Variants in CDYL2 observed in about 807,000 individuals in gnomAD.
The protein encoded by CDYL2 is chromodomain Y-like protein 2.
In CDYL2, 23 loss-of-function variants were observed where a neutral mutation model predicts 49.4. The observed-to-expected ratio is 0.47, with a 90% confidence interval of 0.34 to 0.66. The LOEUF (loss-of-function observed/expected upper bound fraction) is 0.66, where lower values mean the gene tolerates loss of function less well. Among genes scored for constraint, CDYL2 ranks in the 30% least tolerant of loss-of-function variants. The probability of loss-of-function intolerance (pLI) is 0.01; values close to 1 mark genes in which losing one functional copy is unlikely to be tolerated. For synonymous variants in CDYL2, 360 were observed against 268.8 expected, an observed-to-expected ratio of 1.34 and a Z score of -3.32; for missense variants, 678 against 656.4, an observed-to-expected ratio of 1.03 and a Z score of -0.36.
In CDYL2 at chr16:80,599,199, T is replaced by G. The variant is rs1416360986; in HGVS notation, c.*5189A>C. The G allele has an allele frequency of 6.6e-6, 1 of 151,916 alleles. No individual in the cohort carries two copies. The highest frequency in any genetic ancestry group is 1.5e-5 in the Non-Finnish European group (1 of 67,954). 9.4% of individuals were successfully genotyped at this position (151,916 alleles called of 1,614,324 possible). A position where few individuals can be genotyped will look rare whatever the true frequency, so the allele number is the denominator to read the frequency against. On this transcript the variant is annotated 3_prime_UTR_variant, in exon 7 of 7. Transcript: ENST00000570137. ...GGTGAAGTTGAAAACTAGATATGGG[T>G]TTTTCTGACTGCCACACACACTGCA... is the stretch of plus-strand genomic sequence containing the variant.
At chr16:80,750,194 C>CTGCACATG (rs1461443985) in intron 1 of CDYL2, among the ~76,000 whole-genome samples, 1 of 151,684 alleles carries the variant, frequency 6.6e-6, no homozygotes, top group East Asian at 1.9e-4. Flanking sequence ...TGTAACAAAC[C>CTGCACATG]TGCACATGTA....
intron 1 of CDYL2, among the ~76,000 whole-genome samples, chr16:80,803,826 G>A (rs890408676): frequency 1.4e-4 from 20 of 145,276 alleles, no homozygotes; most frequent in Admixed American, 6.1e-4. Context: ...ACACCTCCCC[G>A]GGACCGCTAC....
At chr16:80,752,311 C>G (rs752001849) in intron 1 of CDYL2, among the ~76,000 whole-genome samples, 5 of 152,052 alleles carry the variant, frequency 3.3e-5, no homozygotes, top group Non-Finnish European at 5.9e-5. Context: ...AAGTCTGTGT[C>G]TGTCTGACTG....
intron 6 of CDYL2, among the ~76,000 whole-genome samples, chr16:80,607,585 C>G (rs1361135923): frequency 6.6e-6 from 1 of 152,244 alleles, no homozygotes; most frequent in Non-Finnish European, 1.5e-5. Context: ...TAATTAAAAA[C>G]CACTGCCTCT....
chr16:80,608,113 C>T lies in CDYL2; in HGVS notation c.1341G>A (p.Glu447=), dbSNP rs756240211. The T allele has an allele frequency of 1.7e-4, 265 of 1,597,624 alleles. 1 individual carries two copies. The highest frequency in any genetic ancestry group is 2.0e-4 in the Non-Finnish European group (234 of 1,171,978). Reference sequence around the variant, plus strand: ...TCACCACGGCACTGCAGGATGCCATCTCCTTGACCCGCAGCATGACCTCCT... The same window carrying T: ...TCACCACGGCACTGCAGGATGCCATTTCCTTGACCCGCAGCATGACCTCCT... ...FSQEVMLRVK[E]MASCSAVVLE... Residue 447 remains glutamate, a synonymous_variant, in exon 6 of 7, where the codon GAG becomes GAA. Coordinates refer to ENST00000570137, the MANE Select transcript of CDYL2 (RefSeq NM_152342.4).
chr16:80,618,352 T>A (rs1906924126), intron 4 of CDYL2, among the ~76,000 whole-genome samples: 2 of 152,164 alleles, frequency 1.3e-5, no homozygotes, highest in Admixed American at 1.3e-4. Context: ...TGAATTTGGT[T>A]CTCAAGAGTC....
chr16:80,752,026 G>C (rs1174689400), intron 1 of CDYL2, among the ~76,000 whole-genome samples: 1 of 151,940 alleles, frequency 6.6e-6, no homozygotes, highest in African/African-American at 2.4e-5. Context: ...TAAATCCACA[G>C]AAGATATAAA....
chr16:80,695,377 TGACA>T (rs1910578655), intron 1 of CDYL2, among the ~76,000 whole-genome samples: 1 of 152,066 alleles, frequency 6.6e-6, no homozygotes, highest in South Asian at 2.1e-4. Context: ...ACAAAGCAAA[TGACA>T]AGAGTAAGTC....
intron 2 of CDYL2, among the ~76,000 whole-genome samples, chr16:80,641,377 T>C (rs1908078245): frequency 6.6e-6 from 1 of 152,154 alleles, no homozygotes; most frequent in Non-Finnish European, 1.5e-5. Context: ...TACCCTAGTA[T>C]AGTATATCTG....
intron 1 of CDYL2, among the ~76,000 whole-genome samples, chr16:80,704,259 GCA>G (rs1904330629): frequency 6.6e-6 from 1 of 152,166 alleles, no homozygotes; most frequent in South Asian, 2.1e-4. Context: ...TTACACAGAA[GCA>G]CTTGGCAAAT....
rs1205704715 is a variant in CDYL2, at chr16:80,602,056, T to C, written c.*2332A>G. On this transcript the variant is annotated 3_prime_UTR_variant, in exon 7 of 7. Coordinates refer to ENST00000570137, the MANE Select transcript of CDYL2 (RefSeq NM_152342.4). The stretch of plus-strand genomic sequence containing the variant: ...CGATGCTGAATATAACTGCGCCCAA[T>C]CAGAAGTTCAACAGAAAAGAGGGGG... 2.0e-5 allele frequency: 3 copies of C among 152,048 alleles called. No homozygotes were observed. Among genetic ancestry groups the C allele is most frequent in the African/African-American group, 4.8e-5 (2 of 41,386 alleles). The allele number at this position is 152,048 out of a possible 1,614,324, so 9.4% of individuals were successfully genotyped here. A position where few individuals can be genotyped will look rare whatever the true frequency, so the allele number is the denominator to read the frequency against.
intron 1 of CDYL2, among the ~76,000 whole-genome samples, chr16:80,722,113 G>A (rs1325280807): frequency 6.6e-6 from 1 of 152,132 alleles, no homozygotes; most frequent in Admixed American, 6.5e-5. Context: ...TCATATAATA[G>A]AGGTGTTTCT....
chr16:80,748,465 C>T (rs577074503), intron 1 of CDYL2, among the ~76,000 whole-genome samples: 1 of 129,322 alleles, frequency 7.7e-6, no homozygotes, highest in South Asian at 2.6e-4. Context: ...AGGCGGATCG[C>T]GCCACTGCCC....
chr16:80,669,779 G>A (rs1392378438), intron 2 of CDYL2, among the ~76,000 whole-genome samples: 1 of 152,194 alleles, frequency 6.6e-6, no homozygotes, highest in Non-Finnish European at 1.5e-5. Context: ...GTCGGAACTT[G>A]GACAAGGAGC....
intron 1 of CDYL2, among the ~76,000 whole-genome samples, chr16:80,688,737 G>A (rs1910298336): frequency 6.6e-6 from 1 of 152,006 alleles, no homozygotes; most frequent in Non-Finnish European, 1.5e-5. Context: ...CTCTTCTCAG[G>A]AGCACCTCAA....
intron 2 of CDYL2, among the ~76,000 whole-genome samples, chr16:80,675,434 G>C (rs572781512): frequency 2.9e-4 from 44 of 152,292 alleles, no homozygotes; most frequent in African/African-American, 1.0e-3. Flanking sequence ...CAAATACAAA[G>C]AGCTAGGCGT....
At chr16:80,719,275 A>G (rs1200632266) in intron 1 of CDYL2, among the ~76,000 whole-genome samples, 1 of 152,076 alleles carries the variant, frequency 6.6e-6, no homozygotes, top group East Asian at 1.9e-4. Context: ...GCCCCGGAAG[A>G]GGCTGGGAGC....
At chr16:80,695,982 G>A (rs1910600213) in intron 1 of CDYL2, among the ~76,000 whole-genome samples, 2 of 152,128 alleles carry the variant, frequency 1.3e-5, no homozygotes, top group African/African-American at 4.8e-5. Context: ...CATTCTCCAG[G>A]ATAGACCATA....
intron 6 of CDYL2, among the ~76,000 whole-genome samples, chr16:80,606,183 TGCCAGACCCAGCTG>T (rs552929932): frequency 6.6e-6 from 1 of 152,350 alleles, no homozygotes; most frequent in South Asian, 2.1e-4. Context: ...TGGGATGAGC[TGCCAGACCCAGCTG>T]GCTCTTTCCC....
Sources: allele counts gnomAD v4.1 joint callset (sites outside exome capture counted in the v4.1 genomes callset), GRCh38; gene constraint gnomAD v4.1.1; transcripts MANE v1.5; gene names NCBI Gene and HGNC (gene_info 2026-07-23, HGNC 2026-07-21).